Variants in RELT observed in about 807,000 individuals in gnomAD.
RELT encodes the protein tumor necrosis factor receptor superfamily member 19L.
RELT carries 37 observed loss-of-function variants against 51.1 expected under a neutral mutation model. The observed-to-expected ratio is 0.72, with a 90% CI of 0.56 to 0.95. The LOEUF (loss-of-function observed/expected upper bound fraction) is 0.95. Among genes scored for constraint, RELT ranks in the 40% least tolerant of loss-of-function variants. The pLI, the probability that RELT is intolerant of heterozygous loss-of-function variation, is 0.00. For missense variants in RELT, 535 were observed against 572.6 expected (o/e 0.93, Z 0.67); for synonymous variants, 241 against 235.7 (o/e 1.02, Z -0.21).
intron 1 of RELT, among the ~76,000 whole-genome samples, chr11:73,385,856 G>A (rs1482241498): frequency 6.6e-6 from 1 of 152,106 alleles, no homozygotes; most frequent in Non-Finnish European, 1.5e-5. Flanking sequence ...ATGAGACCCC[G>A]TCTCTACAGA....
At position 73,395,857 on chromosome 11, in the gene RELT, T is replaced by G; in HGVS notation, c.*366T>G. Reference sequence around the variant, plus strand: ...CCTGTGCCCGTCACCCCTGGCCCCATTCCTTGGTAATTAGCCACACCCTTG... The same window carrying G: ...CCTGTGCCCGTCACCCCTGGCCCCAGTCCTTGGTAATTAGCCACACCCTTG... On this transcript the variant is annotated 3_prime_UTR_variant, in exon 11 of 11. Coordinates refer to ENST00000064780, the MANE Select transcript of RELT (RefSeq NM_152222.2). 2.8e-6 allele frequency: 1 copy of G among 356,404 alleles called. No individual in the cohort carries two copies. The allele number at this position is 356,404 out of a possible 1,614,324, so 22.1% of individuals were successfully genotyped here. A position where few individuals can be genotyped will look rare whatever the true frequency, so the allele number is the denominator to read the frequency against.
In RELT at chr11:73,393,846, C is replaced by G. The variant is rs112601488; in HGVS notation, c.635C>G (p.Pro212Arg). ...GPGGGGSGINPAYRTEDANED... is the reference protein window; with the variant it reads ...GPGGGGSGINRAYRTEDANED... Reference sequence around the variant, plus strand: ...CCCTTCTCTTCCCCAGGAATCAACCCTGCCTACCGGACTGAGGATGCCAAT... The same window carrying G: ...CCCTTCTCTTCCCCAGGAATCAACCGTGCCTACCGGACTGAGGATGCCAAT... Residue 212 changes from proline (P) to arginine (R), a missense_variant, in exon 7 of 11, where the codon CCT (proline) becomes CGT (arginine). Physicochemically the swap from Pro to Arg is moderately radical, Grantham distance 103. Transcript: ENST00000064780. 27 of 1,614,090 alleles carry G rather than the reference C, an allele frequency of 1.7e-5. 1 individual carries two copies. In the African/African-American group the frequency reaches 2.4e-4, roughly 14 times the overall value.
rs1364998712 is a variant in RELT, at chr11:73,392,944, C to T, written c.625+476C>T. 16 of 1,006,410 alleles carry T rather than the reference C, an allele frequency of 1.6e-5. No individual in the cohort carries two copies. The South Asian group carries it at 1.7e-4, about 11-fold the overall frequency. 62.3% of individuals were successfully genotyped at this position (1,006,410 alleles called of 1,614,324 possible). The stretch of plus-strand genomic sequence containing the variant: ...TAGTTTGAGTTACAAGGCCTGGAAC[C>T]GGAGGGACAGGCATGCGCCACCACC... On this transcript the variant is annotated intron_variant, in intron 6 of 10. Coordinates refer to ENST00000064780, the MANE Select transcript of RELT (RefSeq NM_152222.2).
intron 6 of RELT, chr11:73,392,903 T>C (rs973367678): frequency 2.2e-5 from 23 of 1,031,136 alleles, no homozygotes; most frequent in Non-Finnish European, 2.7e-5. Context: ...GGGGCTCGGG[T>C]TTTGGTTCCA....
chr11:73,376,441 C>CCGGGCCGCGGCGCCGAGT lies in RELT; in HGVS notation c.-81_-64dup, dbSNP rs1865967192. The CCGGGCCGCGGCGCCGAGT allele has an allele frequency of 2.0e-5, 3 of 151,970 alleles. No individual in the cohort carries two copies. The highest frequency in any genetic ancestry group is 4.4e-5 in the Non-Finnish European group (3 of 67,970). The allele number at this position is 151,970 out of a possible 1,614,324, so 9.4% of individuals were successfully genotyped here. A position where few individuals can be genotyped will look rare whatever the true frequency, so the allele number is the denominator to read the frequency against. On this transcript the variant is annotated 5_prime_UTR_variant, in exon 1 of 11. Transcript: ENST00000064780. ...CGCGGCTGTCCGGGCGCTCGCCGAG[C>CCGGGCCGCGGCGCCGAGT]CGGGCCGCGGCGCCGAGTCGAACGG...
chr11:73,393,908 GAGA>G lies in RELT; in HGVS notation c.702_704del (p.Lys235del). 6.2e-7 allele frequency: 1 copy of G among 1,613,956 alleles called. No homozygotes were observed. Among genetic ancestry groups the G allele is most frequent in the Non-Finnish European group, 8.5e-7 (1 of 1,179,908 alleles). ...TGGGGTCCTGGTGCGCTTGATCACA[GAGA>G]AGAAAGGTGAGGAGAAGGTCTGACC... On this transcript the variant is annotated inframe_deletion, in exon 7 of 11. Transcript: ENST00000064780.
Position 73,395,127 on chromosome 11 carries a change from A to T in RELT, c.1087A>T (p.Met363Leu), listed in dbSNP as rs151088654. 2 of 1,613,554 alleles carry T rather than the reference A, an allele frequency of 1.2e-6. No homozygotes were observed. Among genetic ancestry groups the T allele is most frequent in the Non-Finnish European group, 1.7e-6 (2 of 1,180,018 alleles). The stretch of plus-strand genomic sequence containing the variant: ...AATTCCTGAGCAGCGGACAAGTTCA[A>T]TGGTGTCTGAGGTGAAGACCATCAC... The part of the protein sequence containing the change: ...ARIPEQRTSS[M>L]VSEVKTITEA... The change falls in exon 10 of 11, where the codon ATG becomes TTG. Residue 363 changes from methionine to leucine, a missense_variant. Met to Leu is a conservative substitution (Grantham distance 15, BLOSUM62 2). Transcript: ENST00000064780.
chr11:73,397,395 G>T lies in RELT; in HGVS notation c.*1904G>T, dbSNP rs138762577. 1 of 152,272 alleles carries T rather than the reference G, an allele frequency of 6.6e-6. No individual in the cohort carries two copies. The highest frequency in any genetic ancestry group is 2.4e-5 in the African/African-American group (1 of 41,466). The allele number at this position is 152,272 out of a possible 1,614,324, so 9.4% of individuals were successfully genotyped here. A position where few individuals can be genotyped will look rare whatever the true frequency, so the allele number is the denominator to read the frequency against. On this transcript the variant is annotated 3_prime_UTR_variant, in exon 11 of 11. Transcript: ENST00000064780. The stretch of plus-strand genomic sequence containing the variant: ...AATTCCTAGGGCAAGCTTCCAACCC[G>T]GCCCAAGGGCCGCATGTGGCCCAGG...
At position 73,397,329 on chromosome 11, in the gene RELT, A is replaced by G. The variant is rs1015154802; in HGVS notation, c.*1838A>G. On this transcript the variant is annotated 3_prime_UTR_variant, in exon 11 of 11. Transcript: ENST00000064780. The stretch of plus-strand genomic sequence containing the variant: ...GTGTGGAGAGGAAAGGAGCCACAGG[A>G]GCGGGTGCTACACCCGGCAAGACAG... 1 of 152,236 alleles carries G rather than the reference A, an allele frequency of 6.6e-6. No homozygotes were observed. The highest frequency in any genetic ancestry group is 2.4e-5 in the African/African-American group (1 of 41,454). The allele number at this position is 152,236 out of a possible 1,614,324, so 9.4% of individuals were successfully genotyped here.
chr11:73,391,004 G>A, intron 4 of RELT, 83 bp downstream of exon 4: 1 of 1,554,314 alleles, frequency 6.4e-7, no homozygotes, highest in South Asian at 1.1e-5. Context: ...ATTGTACCCT[G>A]AGCAGGCCTC....
chr11:73,386,568 G>A (rs1010693860), intron 1 of RELT, among the ~76,000 whole-genome samples: 1 of 152,184 alleles, frequency 6.6e-6, no homozygotes, highest in East Asian at 1.9e-4. Context: ...CCAGACTGGA[G>A]TAAGTGCTGG....
rs898030536 is a variant in RELT, at chr11:73,388,983, G to T, written c.-25-129G>T. The T allele has an allele frequency of 6.3e-6, 4 of 639,862 alleles. No homozygotes were observed. The highest frequency in any genetic ancestry group is 1.1e-5 in the Non-Finnish European group (4 of 356,958). 39.6% of individuals were successfully genotyped at this position (639,862 alleles called of 1,614,324 possible). On this transcript the variant is annotated intron_variant, in intron 1 of 10. Coordinates refer to ENST00000064780, the MANE Select transcript of RELT (RefSeq NM_152222.2). The surrounding 1 kb of genome is among the most constrained non-coding windows in gnomAD (Gnocchi z 4.1). ...TGCGGGTGTGGAGCCGGCCTCCCCG[G>T]GCTCTGCCTGCCCAGCAGCACCTTG...
At chr11:73,386,874 C>T (rs991356699) in intron 1 of RELT, among the ~76,000 whole-genome samples, 2 of 152,042 alleles carry the variant, frequency 1.3e-5, no homozygotes, top group African/African-American at 4.8e-5. Context: ...TCTGGGCCTA[C>T]CTTGGGGACA....
chr11:73,385,463 C>G (rs987355045), intron 1 of RELT, among the ~76,000 whole-genome samples: 2 of 152,116 alleles, frequency 1.3e-5, no homozygotes, highest in East Asian at 1.9e-4. Context: ...TCTCATTGTT[C>G]GGGCATTTTT....
chr11:73,391,736 C>T (rs993091063), intron 5 of RELT, among the ~76,000 whole-genome samples: 3 of 152,078 alleles, frequency 2.0e-5, no homozygotes, highest in South Asian at 4.2e-4. Flanking sequence ...CTGTGATCGC[C>T]CCACTGCACT....
chr11:73,390,658 G>A (rs1565222105), intron 3 of RELT, 33 bp downstream of exon 3: 20 of 1,612,682 alleles, frequency 1.2e-5, no homozygotes, highest in Non-Finnish European at 1.7e-5. Context: ...GCCTGTCCTG[G>A]GAGGGCCCTG....
chr11:73,392,345 A>C lies in RELT; in HGVS notation c.502A>C (p.Ile168Leu). 6.2e-7 allele frequency: 1 copy of C among 1,613,800 alleles called. No individual in the cohort carries two copies. Among genetic ancestry groups the C allele is most frequent in the Non-Finnish European group, 8.5e-7 (1 of 1,179,930 alleles). ...ETAAQYAVIAIVPVFCLMGLL... is the reference protein window; with the variant it reads ...ETAAQYAVIALVPVFCLMGLL... ...AGCCGCCCAGTACGCGGTCATCGCC[A>C]TCGTCCCTGTCTTCTGCCTCATGGG... The change falls in exon 6 of 11, where the codon ATC becomes CTC. Residue 168 changes from isoleucine (I) to leucine (L), a missense_variant. Coordinates refer to ENST00000064780, the MANE Select transcript of RELT (RefSeq NM_152222.2).
intron 1 of RELT, among the ~76,000 whole-genome samples, chr11:73,382,396 G>C (rs545868080): frequency 2.0e-5 from 3 of 152,246 alleles, no homozygotes; most frequent in Non-Finnish European, 4.4e-5. Context: ...CAGTTTTATG[G>C]CCGGGGCAGG....
chr11:73,389,700 C>A (rs114801949), intron 2 of RELT, among the ~76,000 whole-genome samples: 1 of 152,208 alleles, frequency 6.6e-6, no homozygotes, highest in Non-Finnish European at 1.5e-5. Flanking sequence ...TCTGCTGTGA[C>A]GCTAGAAGCT....
Sources: allele counts gnomAD v4.1 joint callset (sites outside exome capture counted in the v4.1 genomes callset), GRCh38; gene constraint gnomAD v4.1.1; non-coding constraint Gnocchi (gnomAD v3.1); transcripts MANE v1.5; gene names NCBI Gene and HGNC (gene_info 2026-07-23, HGNC 2026-07-21).